The following SV2C variants were observed in gnomAD, a reference collection of about 807,000 sequenced individuals.
SV2C encodes solute carrier family 22 member B3.
A neutral mutation model predicts 79.7 loss-of-function variants in SV2C; 49 were observed. The ratio of observed to expected loss-of-function variants is 0.61; its 90% confidence interval spans 0.49 to 0.78. The LOEUF (loss-of-function observed/expected upper bound fraction) is 0.78, where lower values mean the gene tolerates loss of function less well. SV2C is among the 30% of genes least tolerant of loss of function. SV2C has a pLI of 0.00. For missense variants in SV2C, 833 were observed against 912.9 expected, an observed-to-expected ratio of 0.91 and a Z score of 1.13; for synonymous variants, 334 against 333.2, an observed-to-expected ratio of 1.00 and a Z score of -0.03.
In SV2C at chr5:76,131,711, A is replaced by G. The variant is rs1342203745; in HGVS notation, c.-40A>G. The G allele has an allele frequency of 3.2e-6, 5 of 1,539,456 alleles. No homozygotes were observed. In the African/African-American group the frequency reaches 5.5e-5, roughly 17 times the overall value. On this transcript the variant is annotated 5_prime_UTR_variant, in exon 2 of 13. Transcript: ENST00000502798. ...GCTGAACCACTGAAAGGAGGCTGTG[A>G]AAATTTCCCATCTTCTCATTGGCCA...
chr5:76,269,506 A>G (rs1746775539), intron 4 of SV2C, among the ~76,000 whole-genome samples: 1 of 152,224 alleles, frequency 6.6e-6, no homozygotes, highest in East Asian at 1.9e-4. Flanking sequence ...TGCCTGGCAC[A>G]TGGTGGGTGC....
intron 4 of SV2C, among the ~76,000 whole-genome samples, chr5:76,243,665 G>A (rs913343014): frequency 3.3e-5 from 5 of 152,088 alleles, no homozygotes; most frequent in Admixed American, 2.0e-4. Flanking sequence ...CTTCTGTGCC[G>A]TGCCCCGCAG....
At chr5:76,208,895 T>C (rs1430848272) in intron 3 of SV2C, among the ~76,000 whole-genome samples, 1 of 152,206 alleles carries the variant, frequency 6.6e-6, no homozygotes, top group Non-Finnish European at 1.5e-5. Context: ...GGCCAAGACC[T>C]ATTTGAAATT....
the SV2C span, among the ~76,000 whole-genome samples, chr5:75,895,807 A>G: frequency 6.6e-6 from 1 of 151,460 alleles, no homozygotes; most frequent in Non-Finnish European, 1.5e-5. Flanking sequence ...CTCTGTCTTG[A>G]CTCCCGGAGC....
the SV2C span, among the ~76,000 whole-genome samples, chr5:75,917,201 A>T: frequency 6.6e-6 from 1 of 152,128 alleles, no homozygotes; most frequent in Non-Finnish European, 1.5e-5. Context: ...TAAGATAGTT[A>T]TTTTTTTCAA....
intron 6 of SV2C, chr5:76,286,576 A>G (rs1174405726): frequency 6.6e-6 from 1 of 152,222 alleles, no homozygotes; most frequent in African/African-American, 2.4e-5. Context: ...AATTATACTA[A>G]GGATCAAAGC....
At chr5:75,964,039 C>G in the SV2C span, among the ~76,000 whole-genome samples, 2 of 152,040 alleles carry the variant, frequency 1.3e-5, no homozygotes, top group East Asian at 3.9e-4. Context: ...AATTCCAAAT[C>G]TCTTTGAGGA....
chr5:76,098,812 G>A (rs896286948), intron 1 of SV2C, among the ~76,000 whole-genome samples: 1 of 152,152 alleles, frequency 6.6e-6, no homozygotes, highest in African/African-American at 2.4e-5. Context: ...ATGAATCCAG[G>A]TCATCTTATA....
rs558490341 is a variant in SV2C at position 76,227,394 on chromosome 5, G to A, written c.913+17507G>A. ...TAGAGAAAGAAAAGCTGTAGAAGGG[G>A]CATTTCCCCCCTGTCTGGCTCAAAG... On this transcript the variant is annotated intron_variant, in intron 4 of 12. Transcript: ENST00000502798. 3.3e-5 allele frequency among the ~76,000 whole-genome samples: 5 copies of A among 152,284 alleles called. No individual in the cohort carries two copies. In the South Asian group the frequency reaches 8.3e-4, roughly 25 times the overall value.
chr5:75,896,835 T>G, the SV2C span, among the ~76,000 whole-genome samples: 69 of 149,054 alleles, frequency 4.6e-4, no homozygotes, highest in Non-Finnish European at 5.2e-4. Context: ...TGAGCATTTT[T>G]TCATGTGTTT....
intron 1 of SV2C, among the ~76,000 whole-genome samples, chr5:76,116,054 A>G (rs1748253730): frequency 1.3e-5 from 2 of 152,246 alleles, no homozygotes; most frequent in Admixed American, 6.5e-5. Context: ...TCTTCCTAGA[A>G]GAGCAGCACC....
chr5:76,240,196 G>A lies in SV2C; in HGVS notation c.913+30309G>A, dbSNP rs2112418634. ...TGGCACGTGTGAGGGAGAACATAGT[G>A]TTGGTTCAGTGCCAGCCAAGGGAGA... On this transcript the variant is annotated intron_variant, in intron 4 of 12. Transcript: ENST00000502798. Among the ~76,000 whole-genome samples the A allele has an allele frequency of 2.6e-5, 4 of 152,324 alleles. No homozygotes were observed. In the East Asian group the frequency reaches 7.7e-4, roughly 29 times the overall value.
chr5:75,897,447 A>G, the SV2C span, among the ~76,000 whole-genome samples: 1 of 151,840 alleles, frequency 6.6e-6, no homozygotes, highest in African/African-American at 2.4e-5. Context: ...TAGTACCAGT[A>G]CCATGCTGTT....
At chr5:76,345,138 A>G (rs246810) in intron 12 of SV2C, among the ~76,000 whole-genome samples, 27,211 of 152,216 alleles carry the variant, frequency 0.18, 3,515 homozygotes, top group East Asian at 0.74. Flanking sequence ...GCATTCTGGT[A>G]TTTAGAATGA....
the SV2C span, among the ~76,000 whole-genome samples, chr5:75,967,635 C>T: frequency 2.6e-5 from 4 of 152,200 alleles, no homozygotes; most frequent in African/African-American, 9.6e-5. Flanking sequence ...GGGGCACCCG[C>T]CATTGCCGAG....
At chr5:76,344,922 C>T (rs1749510954) in intron 12 of SV2C, among the ~76,000 whole-genome samples, 2 of 152,110 alleles carry the variant, frequency 1.3e-5, no homozygotes, top group Non-Finnish European at 2.9e-5. Context: ...ATGACTTGTC[C>T]CAAAATGCAC....
At chr5:76,166,695 A>G (rs992179937) in intron 2 of SV2C, among the ~76,000 whole-genome samples, 1 of 152,176 alleles carries the variant, frequency 6.6e-6, no homozygotes, top group Non-Finnish European at 1.5e-5. Flanking sequence ...CAGTTTCTGA[A>G]TGCAGCTATG....
chr5:76,161,191 G>A (rs559436345), intron 2 of SV2C, among the ~76,000 whole-genome samples: 1 of 152,236 alleles, frequency 6.6e-6, no homozygotes, highest in East Asian at 1.9e-4. Context: ...GCCATAAAAA[G>A]GAATGAAGTA....
At chr5:76,202,583 A>G (rs141149068) in intron 3 of SV2C, among the ~76,000 whole-genome samples, 311 of 152,352 alleles carry the variant, frequency 2.0e-3, no homozygotes, top group African/African-American at 7.0e-3. Flanking sequence ...GTCCAAAAAT[A>G]TCTCTGGCCC....
Sources: gnomAD v4.1 joint callset for allele counts (sites outside exome capture counted in the v4.1 genomes callset) on GRCh38, gnomAD v4.1.1 for gene constraint, MANE v1.5 for transcripts, NCBI Gene and HGNC (gene_info 2026-07-23, HGNC 2026-07-21) for gene names.